Variants in VPS13A observed in about 807,000 individuals in gnomAD.
The protein encoded by VPS13A is intermembrane lipid transfer protein VPS13A.
VPS13A carries 264 observed loss-of-function variants against 390.9 expected under a neutral mutation model. The ratio of observed to expected loss-of-function variants is 0.68; its 90% CI spans 0.61 to 0.75. The LOEUF (loss-of-function observed/expected upper bound fraction) is 0.75. VPS13A is among the 30% of genes least tolerant of loss of function. The pLI is 0.00. For missense variants in VPS13A, 3,409 were observed against 3,733.9 expected (o/e 0.91, Z 2.27); for synonymous variants, 1,231 against 1,227.1 (o/e 1.00, Z -0.07).
In VPS13A at chr9:77,420,920, C is replaced by A. The variant is rs1835319935; in HGVS notation, c.*4914C>A. The A allele has an allele frequency of 6.6e-6, 1 of 152,152 alleles. No homozygotes were observed. Among genetic ancestry groups the A allele is most frequent in the South Asian group, 2.1e-4 (1 of 4,836 alleles). 9.4% of individuals were successfully genotyped at this position (152,152 alleles called of 1,614,324 possible). A position where few individuals can be genotyped will look rare whatever the true frequency, so the allele number is the denominator to read the frequency against. The stretch of plus-strand genomic sequence containing the variant: ...AAGTAAAAATGTAGCATAGATTACA[C>A]TGAAATATTTTCAGTATCAATGATT... On this transcript the variant is annotated 3_prime_UTR_variant, in exon 72 of 72. Transcript: ENST00000360280.
chr9:77,185,724 A>AT (rs199714275), intron 1 of VPS13A, among the ~76,000 whole-genome samples: 2 of 149,750 alleles, frequency 1.3e-5, no homozygotes, highest in Non-Finnish European at 3.0e-5. Context: ...ATATGATTTA[A>AT]TTTTTTTCTC....
At chr9:77,263,325 T>C (rs1040691928) in intron 23 of VPS13A, among the ~76,000 whole-genome samples, 1 of 152,132 alleles carries the variant, frequency 6.6e-6, no homozygotes, top group South Asian at 2.1e-4. Flanking sequence ...GCCAGGATGG[T>C]CTCAATCTCC....
chr9:77,320,514 A>G (rs1829682886), intron 42 of VPS13A, among the ~76,000 whole-genome samples: 1 of 152,176 alleles, frequency 6.6e-6, no homozygotes, highest in Non-Finnish European at 1.5e-5. Context: ...TGACTTGGTC[A>G]ACCTGCAGAC....
At chr9:77,203,532 C>T (rs1244189823) in intron 3 of VPS13A, among the ~76,000 whole-genome samples, 2 of 152,178 alleles carry the variant, frequency 1.3e-5, no homozygotes, top group Non-Finnish European at 2.9e-5. Flanking sequence ...AAGGGATCCT[C>T]CTACCACAGC....
At chr9:77,199,913 AT>A (rs1334502936) in intron 1 of VPS13A, 31 bp from the exon 2 acceptor site, 8 of 1,565,396 alleles carry the variant, frequency 5.1e-6, no homozygotes, top group Admixed American at 1.8e-5. Context: ...AAAATATTTG[AT>A]TGTTTGAATC....
At chr9:77,345,263 A>G in intron 52 of VPS13A, 121 bp downstream of exon 52, 2 of 1,112,192 alleles carry the variant, frequency 1.8e-6, no homozygotes, top group Non-Finnish European at 1.3e-6. Context: ...TGTGTAAAAC[A>G]GTGTTCCATT....
chr9:77,333,178 A>G (rs900975594), intron 46 of VPS13A, among the ~76,000 whole-genome samples: 2 of 152,234 alleles, frequency 1.3e-5, no homozygotes, highest in Non-Finnish European at 2.9e-5. Flanking sequence ...CTTCTTGGAT[A>G]ATAAAAGTTA....
intron 35 of VPS13A, among the ~76,000 whole-genome samples, chr9:77,310,404 CAG>C (rs1829003831): frequency 1.3e-5 from 2 of 152,040 alleles, no homozygotes; most frequent in Admixed American, 1.3e-4. Context: ...ATGTAGGATA[CAG>C]AGTTAGCTAT....
intron 71 of VPS13A, 175 bp downstream of exon 71, chr9:77,407,782 T>C (rs1007009319): frequency 1.4e-5 from 8 of 559,662 alleles, no homozygotes; most frequent in African/African-American, 3.8e-5. Flanking sequence ...CCCCAGACTT[T>C]TTTTTCTACC....
Position 77,244,837 on chromosome 9 carries a change from TTGGTGG to T in VPS13A, c.1901-2420_1901-2415del, listed in dbSNP as rs1824711630. 1.2e-4 allele frequency among the ~76,000 whole-genome samples: 19 copies of T among 152,206 alleles called. No individual in the cohort carries two copies. In the South Asian group the frequency reaches 4.0e-3, roughly 32 times the overall value. On this transcript the variant is annotated intron_variant, in intron 19 of 71. Coordinates refer to ENST00000360280, the MANE Select transcript of VPS13A (RefSeq NM_033305.3). ...AATGGATAGATGCCCCAATTTAGTC[TTGGTGG>T]TAGTGTCAGAGAAGATCTCTGAAAA...
chr9:77,254,144 C>T (rs903417043), intron 22 of VPS13A, among the ~76,000 whole-genome samples: 3 of 151,764 alleles, frequency 2.0e-5, no homozygotes, highest in East Asian at 3.9e-4. Flanking sequence ...GGGGTTTCAC[C>T]GTGCCAGCCA....
chr9:77,309,671 C>T (rs1828954120), intron 35 of VPS13A, among the ~76,000 whole-genome samples: 1 of 152,134 alleles, frequency 6.6e-6, no homozygotes, highest in Non-Finnish European at 1.5e-5. Context: ...TATTTTCAGA[C>T]ACCAGTTGAC....
intron 68 of VPS13A, among the ~76,000 whole-genome samples, chr9:77,386,713 ATT>A (rs1267179835): frequency 7.2e-6 from 1 of 139,642 alleles, no homozygotes. Flanking sequence ...TTTTTTTTTA[ATT>A]TTTTTTTTTT....
intron 31 of VPS13A, among the ~76,000 whole-genome samples, chr9:77,290,121 TTC>T (rs1314729845): frequency 1.3e-5 from 2 of 152,154 alleles, no homozygotes; most frequent in Non-Finnish European, 2.9e-5. Context: ...CAGTAATGAC[TTC>T]TCTCAGTTTT....
chr9:77,420,155 T>G lies in VPS13A; in HGVS notation c.*4149T>G, dbSNP rs1835303203. 2.0e-5 allele frequency: 3 copies of G among 152,358 alleles called. No homozygotes were observed. The highest frequency in any genetic ancestry group is 3.4e-3 in the Middle Eastern group (1 of 294). The allele number at this position is 152,358 out of a possible 1,614,324, so 9.4% of individuals were successfully genotyped here. ...TACCTTATTGTTAATGGCAACCTAA[T>G]CAAGCTAGGATTTGTCGGTTAAAAT... On this transcript the variant is annotated 3_prime_UTR_variant, in exon 72 of 72. Transcript: ENST00000360280.
At chr9:77,306,039 T>G (rs1463549557) in intron 34 of VPS13A, among the ~76,000 whole-genome samples, 1 of 151,154 alleles carries the variant, frequency 6.6e-6, no homozygotes, top group Non-Finnish European at 1.5e-5. Context: ...TAATATTTAT[T>G]TTCATCTTAT....
Position 77,225,956 on chromosome 9 carries a change from A to G in VPS13A, c.1192A>G (p.Ile398Val), listed in dbSNP as rs774877744. The G allele has an allele frequency of 1.2e-6, 2 of 1,612,294 alleles. No individual in the cohort carries two copies. The highest frequency in any genetic ancestry group is 1.7e-6 in the Non-Finnish European group (2 of 1,179,170). The change falls in exon 14 of 72, where the codon ATA becomes GTA. Residue 398 changes from isoleucine (I) to valine (V), a missense_variant. Ile to Val is a conservative substitution (Grantham distance 29, BLOSUM62 3). This residue lies in a region of VPS13A where 2,717 missense variants were observed against 2,917.4 expected (regional missense o/e 0.93). Transcript: ENST00000360280. ...GGAAAAAACCTTGGATGTCTTTAATATAACTATAGCTAGACAGACGGCAGA... is the reference window on the plus strand; with the variant it reads ...GGAAAAAACCTTGGATGTCTTTAATGTAACTATAGCTAGACAGACGGCAGA... Reference protein sequence around the residue: ...ELEKTLDVFNITIARQTAEVE... With the variant: ...ELEKTLDVFNVTIARQTAEVE...
At chr9:77,407,726 T>TG in intron 71 of VPS13A, 119 bp downstream of exon 71, 1 of 847,716 alleles carries the variant, frequency 1.2e-6, no homozygotes, top group South Asian at 1.5e-5. Flanking sequence ...GTTTTGCTTT[T>TG]GTGTTTTGGC....
intron 59 of VPS13A, among the ~76,000 whole-genome samples, chr9:77,363,669 G>C (rs1832277715): frequency 1.3e-5 from 2 of 151,910 alleles, no homozygotes; most frequent in Admixed American, 1.3e-4. Context: ...CACTTTCTCT[G>C]ATTTTCTCCT....
Sources: gnomAD v4.1 joint callset for allele counts (sites outside exome capture counted in the v4.1 genomes callset) on GRCh38, gnomAD v4.1.1 for gene constraint, gnomAD v4.1.1 regional missense constraint, MANE v1.5 for transcripts, NCBI Gene and HGNC (gene_info 2026-07-23, HGNC 2026-07-21) for gene names.